Variants in CSDE1 observed in about 807,000 individuals in gnomAD.
CSDE1 encodes the protein cold shock domain containing E1, also known as cold shock domain-containing protein E1.
Under a neutral mutation model 89.3 loss-of-function variants are expected in CSDE1, and 17 were observed. The observed-to-expected ratio is 0.19, with a 90% CI of 0.13 to 0.29. The LOEUF (loss-of-function observed/expected upper bound fraction) is 0.29. Ranked by LOEUF, CSDE1 falls within the 10% of genes least tolerant of loss-of-function variation. CSDE1 has a pLI of 1.00. For missense variants in CSDE1, 672 were observed against 984.2 expected, an observed-to-expected ratio of 0.68 and a Z score of 4.24; for synonymous variants, 322 against 332.8, an observed-to-expected ratio of 0.97 and a Z score of 0.35.
intron 16 of CSDE1, among the ~76,000 whole-genome samples, chr1:114,723,398 G>A (rs1339772346): frequency 3.3e-5 from 5 of 152,164 alleles, no homozygotes. Flanking sequence ...GAGAATGAAA[G>A]GAAGCCTGAG....
intron 10 of CSDE1, among the ~76,000 whole-genome samples, 168 bp from the exon 11 acceptor site, chr1:114,730,816 AC>A (rs1660057330): frequency 6.6e-6 from 1 of 152,282 alleles, no homozygotes; most frequent in Admixed American, 6.5e-5. Flanking sequence ...ATTGCTTTCA[AC>A]AAAGTAACTT....
intron 6 of CSDE1, among the ~76,000 whole-genome samples, chr1:114,735,274 C>T (rs1660338797): frequency 6.6e-6 from 1 of 152,076 alleles, no homozygotes; most frequent in Non-Finnish European, 1.5e-5. Context: ...TAAGAAAAGA[C>T]CTATACACCA....
At position 114,751,841 on chromosome 1, in the gene CSDE1, C is replaced by T. The variant is rs1216647374; in HGVS notation, c.-387-1634G>A. 6.6e-5 allele frequency among the ~76,000 whole-genome samples: 10 copies of T among 152,202 alleles called. No individual in the cohort carries two copies. The East Asian group carries it at 1.9e-3, about 29-fold the overall frequency. On this transcript the variant is annotated intron_variant, in intron 1 of 19. Coordinates refer to ENST00000358528, the MANE Select transcript of CSDE1 (RefSeq NM_001007553.3). Reference sequence around the variant, plus strand: ...TTGCAAGTTGTGTTAGTATTTCCCTCGCTATATCTTTTGTATTCATCTCTT... The same window carrying T: ...TTGCAAGTTGTGTTAGTATTTCCCTTGCTATATCTTTTGTATTCATCTCTT...
At chr1:114,718,771 G>T (rs769431251) in intron 18 of CSDE1, 26 bp from the exon 19 acceptor site, 45 of 1,610,608 alleles carry the variant, frequency 2.8e-5, no homozygotes, top group Non-Finnish European at 3.8e-5. Context: ...AAGATGAGAA[G>T]AAACCACACT....
At position 114,719,565 on chromosome 1, in the gene CSDE1, A is replaced by G. The variant is rs747104275; in HGVS notation, c.2216+14T>C. ...CAGGGTAGTTACTAATCAAACCACA[A>G]CAACAAAACTCACCAGACTCGCCAA... On this transcript the variant is annotated intron_variant, in intron 18 of 19. Transcript: ENST00000358528. 4 of 1,609,556 alleles carry G rather than the reference A, an allele frequency of 2.5e-6. No individual in the cohort carries two copies. In the Admixed American group the frequency reaches 6.8e-5, roughly 27 times the overall value.
At chr1:114,724,316 T>A (rs1235167973) in intron 15 of CSDE1, 2 of 224,044 alleles carry the variant, frequency 8.9e-6, no homozygotes, top group African/African-American at 2.4e-5. Context: ...TGTCATTTTT[T>A]AAGAAGCCTT....
At chr1:114,755,792 G>T (rs528524029) in intron 1 of CSDE1, among the ~76,000 whole-genome samples, 1 of 152,260 alleles carries the variant, frequency 6.6e-6, no homozygotes, top group South Asian at 2.1e-4. Flanking sequence ...ATCTCATTTT[G>T]CAATACAGTC....
chr1:114,724,234 ATTGT>A (rs1392660197), intron 15 of CSDE1: 4 of 336,658 alleles, frequency 1.2e-5, no homozygotes, highest in Non-Finnish European at 1.6e-5. Flanking sequence ...TTTAAATAAA[ATTGT>A]TTAAGGAATT....
At chr1:114,738,153 C>T (rs1019032363) in intron 3 of CSDE1, 81 bp from the exon 4 acceptor site, 4 of 1,058,386 alleles carry the variant, frequency 3.8e-6, no homozygotes, top group Non-Finnish European at 5.9e-6. Flanking sequence ...CTTAACATAG[C>T]ATTTGAATTG....
intron 1 of CSDE1, among the ~76,000 whole-genome samples, chr1:114,754,725 G>C (rs912552578): frequency 6.6e-6 from 1 of 152,160 alleles, no homozygotes; most frequent in Non-Finnish European, 1.5e-5. Context: ...ACCAACCTAA[G>C]TCATCTGTTG....
chr1:114,743,819 C>A (rs1470382088), intron 2 of CSDE1, among the ~76,000 whole-genome samples: 2 of 152,164 alleles, frequency 1.3e-5, no homozygotes, highest in African/African-American at 4.8e-5. Flanking sequence ...TTCCCCTTCT[C>A]CCAGAATCTT....
rs774666640 is a variant in CSDE1, at chr1:114,734,528, A to G, written c.501-5T>C. The G allele has an allele frequency of 2.6e-5, 41 of 1,599,036 alleles. No homozygotes were observed. The highest frequency in any genetic ancestry group is 1.1e-5 in the South Asian group (1 of 88,564). On this transcript the variant is annotated splice_region_variant and splice_polypyrimidine_tract_variant and intron_variant, in intron 6 of 19. Transcript: ENST00000358528. ...CGAGCACTTACAGCACCAGTACTAG[A>G]AAAAAAATAATTGCAGGGAGGAGGA...
intron 6 of CSDE1, 27 bp downstream of exon 6, chr1:114,736,731 G>A: frequency 6.7e-7 from 1 of 1,496,552 alleles, no homozygotes; most frequent in Non-Finnish European, 9.2e-7. Context: ...CCGCTTAGGT[G>A]AGAAAATTTA....
chr1:114,723,890 C>T lies in CSDE1; in HGVS notation c.1866G>A (p.Val622=). The T allele has an allele frequency of 6.2e-7, 1 of 1,613,988 alleles. No homozygotes were observed. The highest frequency in any genetic ancestry group is 1.7e-4 in the Middle Eastern group (1 of 6,058). The change falls in exon 16 of 20, where the codon GTG becomes GTA. Residue 622 remains valine, a synonymous_variant. Coordinates refer to ENST00000358528, the MANE Select transcript of CSDE1 (RefSeq NM_001007553.3). ...GATAGTGATGATCCTTACCCTCCTC[C>T]ACAATCTCAATCATTCCTTGGTACT... ...QTEYQGMIEI[V]EEGDMKGEVY... is the part of the protein sequence containing the mutation.
Position 114,730,624 on chromosome 1 carries a change from C to T in CSDE1, c.1075G>A (p.Gly359Ser). 1.9e-6 allele frequency: 3 copies of T among 1,613,846 alleles called. No individual in the cohort carries two copies. The highest frequency in any genetic ancestry group is 2.5e-6 in the Non-Finnish European group (3 of 1,179,992). ...TCCACACACTTGATGAAACCAAAACCATCTCTCATGGCAGCAATCACACCC... is the reference window on the plus strand; with the variant it reads ...TCCACACACTTGATGAAACCAAAACTATCTCTCATGGCAGCAATCACACCC... ...EMGVIAAMRDGFGFIKCVDRD... is the reference protein window; with the variant it reads ...EMGVIAAMRDSFGFIKCVDRD... The change falls in exon 11 of 20, where the codon GGT (glycine) becomes AGT (serine). Residue 359 changes from glycine (G) to serine (S), a missense_variant. Gly to Ser is a moderately conservative substitution (Grantham distance 56). This residue lies in a region of CSDE1 where 169 missense variants were observed against 262.9 expected (regional missense o/e 0.64). Transcript: ENST00000358528.
intron 16 of CSDE1, among the ~76,000 whole-genome samples, chr1:114,721,668 C>A (rs1265850198): frequency 6.6e-6 from 1 of 152,112 alleles, no homozygotes; most frequent in East Asian, 1.9e-4. Flanking sequence ...CGGCTCACTG[C>A]AGCCTTGATT....
At chr1:114,743,202 AT>A (rs1558004786) in intron 2 of CSDE1, among the ~76,000 whole-genome samples, 3 of 151,830 alleles carry the variant, frequency 2.0e-5, no homozygotes, top group Non-Finnish European at 1.5e-5. Context: ...GGCTGAATTA[AT>A]TTATTTTTGA....
At chr1:114,721,604 T>C (rs1659524445) in intron 16 of CSDE1, among the ~76,000 whole-genome samples, 1 of 152,206 alleles carries the variant, frequency 6.6e-6, no homozygotes, top group South Asian at 2.1e-4. Flanking sequence ...GTCATTGTTA[T>C]TGTTGAGACA....
Position 114,733,982 on chromosome 1 carries a change from G to A in CSDE1, c.711+7C>T. On this transcript the variant is annotated splice_region_variant and intron_variant, in intron 8 of 19. Coordinates refer to ENST00000358528, the MANE Select transcript of CSDE1 (RefSeq NM_001007553.3). ...AGGCCAAAGATCAAGTTAACTGACT[G>A]TCTTACATTTCTGTCCTTGATTGTG... 6.2e-7 allele frequency: 1 copy of A among 1,610,480 alleles called. No homozygotes were observed. The highest frequency in any genetic ancestry group is 8.5e-7 in the Non-Finnish European group (1 of 1,179,030).
Sources: gnomAD v4.1 joint callset for allele counts (sites outside exome capture counted in the v4.1 genomes callset) on GRCh38, gnomAD v4.1.1 for gene constraint, gnomAD v4.1.1 regional missense constraint, MANE v1.5 for transcripts, NCBI Gene and HGNC (gene_info 2026-07-23, HGNC 2026-07-21) for gene names.